Variants in C12orf57 observed in about 807,000 individuals in gnomAD.
The protein encoded by C12orf57 is chromosome 12 open reading frame 57.
Under a neutral mutation model 11.3 loss-of-function variants are expected in C12orf57, and 14 were observed. That is an observed-to-expected ratio of 1.24 (90% CI 0.82 to 1.94). C12orf57 has a LOEUF of 1.94. C12orf57 is among the 30% of genes most tolerant of loss of function. The pLI, the probability that C12orf57 is intolerant of heterozygous loss-of-function variation, is 0.00. For synonymous variants in C12orf57, 100 were observed against 74.6 expected (o/e 1.34, Z -1.76); for missense variants, 229 against 172.4 (o/e 1.33, Z -1.84).
At chr12:6,943,702 C>G, upstream of C12orf57, 2 of 1,279,190 alleles carry the variant, frequency 1.6e-6, no homozygotes, top group Non-Finnish European at 2.0e-6. Context: ...CTGAAAGTTA[C>G]CACATGCGTC....
intron 1 of C12orf57, 110 bp downstream of exon 1, chr12:6,944,283 A>G: frequency 6.3e-7 from 1 of 1,599,932 alleles, no homozygotes; most frequent in Non-Finnish European, 8.5e-7. Flanking sequence ...AAACCTGGCT[A>G]CGTCCGCCGG....
At position 6,944,066 on chromosome 12, in the gene C12orf57, T is replaced by A; in HGVS notation, c.-56T>A. On this transcript the variant is annotated 5_prime_UTR_variant, in exon 1 of 3. Transcript: ENST00000229281. ...GTTGGGAACGGTTGTAGGACGTGGC[T>A]CTTTATTCGTGAGTTTTCCATTTAC... 2 of 1,613,546 alleles carry A rather than the reference T, an allele frequency of 1.2e-6. No individual in the cohort carries two copies. The highest frequency in any genetic ancestry group is 1.7e-6 in the Non-Finnish European group (2 of 1,179,956).
At chr12:6,944,847 A>G in intron 2 of C12orf57, 195 bp downstream of exon 2, 1 of 1,440,186 alleles carries the variant, frequency 6.9e-7, no homozygotes, top group Non-Finnish European at 9.1e-7. Context: ...CGTTTTGTAC[A>G]GTAGAGGTTC....
chr12:6,944,438 T>C, intron 1 of C12orf57, 38 bp from the exon 2 acceptor site: 1 of 1,600,314 alleles, frequency 6.2e-7, no homozygotes. Context: ...CTCCGACGCC[T>C]ACCCGGGACG....
chr12:6,944,317 G>A, intron 1 of C12orf57, 144 bp downstream of exon 1: 1 of 1,575,102 alleles, frequency 6.3e-7, no homozygotes, highest in Non-Finnish European at 8.6e-7. Context: ...GGGACGCCGG[G>A]TACCGTCCTT....
rs782198023 is a variant in C12orf57, at chr12:6,944,539, C to T, written c.116C>T (p.Ala39Val). The T allele has an allele frequency of 5.6e-6, 9 of 1,613,988 alleles. No individual in the cohort carries two copies. Among genetic ancestry groups the T allele is most frequent in the East Asian group, 2.2e-5 (1 of 44,904 alleles). ...APENAVRMDEARDNACNDMGK... is the reference protein window; with the variant it reads ...APENAVRMDEVRDNACNDMGK... ...GAGAATGCAGTGCGCATGGACGAGGCTCGGGATAACGCCTGCAACGACATG... is the reference window on the plus strand; with the variant it reads ...GAGAATGCAGTGCGCATGGACGAGGTTCGGGATAACGCCTGCAACGACATG... The change falls in exon 2 of 3, where the codon GCT becomes GTT. Residue 39 changes from alanine (A) to valine (V), a missense_variant. Physicochemically the swap from Ala to Val is moderately conservative, Grantham distance 64 (BLOSUM62 0). Transcript: ENST00000229281.
chr12:6,945,826 C>T lies in C12orf57; in HGVS notation c.285C>T (p.Ile95=), dbSNP rs1555146495. 1.9e-6 allele frequency: 3 copies of T among 1,613,664 alleles called. No homozygotes were observed. Among genetic ancestry groups the T allele is most frequent in the Non-Finnish European group, 8.5e-7 (1 of 1,179,892 alleles). ...VKSYEAQDPE[I]ASLSGKLKAL... is the part of the protein sequence containing the mutation. ...CCTACGAAGCCCAGGATCCTGAGATCGCCAGCCTGTCAGGCAAGCTGAAGG... is the reference window on the plus strand; with the variant it reads ...CCTACGAAGCCCAGGATCCTGAGATTGCCAGCCTGTCAGGCAAGCTGAAGG... Residue 95 remains isoleucine (I), a synonymous_variant, in exon 3 of 3, where the codon ATC becomes ATT. Transcript: ENST00000229281.
upstream of C12orf57, chr12:6,943,616 A>T: frequency 7.8e-7 from 1 of 1,289,780 alleles, no homozygotes; most frequent in Non-Finnish European, 1.0e-6. Flanking sequence ...ACTCATTTGC[A>T]TGGGCTGAGA....
chr12:6,944,016 C>A (rs781973025), upstream of C12orf57: 3 of 1,605,012 alleles, frequency 1.9e-6, no homozygotes, highest in Non-Finnish European at 2.5e-6. Flanking sequence ...GCGCCGGATG[C>A]TGTTTCCTTT....
chr12:6,944,204 G>T, intron 1 of C12orf57, 31 bp downstream of exon 1: 12 of 1,565,896 alleles, frequency 7.7e-6, no homozygotes, highest in Non-Finnish European at 1.1e-5. Flanking sequence ...GGCATAGGCT[G>T]CTGGCCTGGG....
rs376090183 is a variant in C12orf57, at chr12:6,944,592, G to A, written c.169G>A (p.Val57Met). The A allele has an allele frequency of 1.6e-5, 26 of 1,614,080 alleles. 1 individual carries two copies. In the African/African-American group the frequency reaches 2.7e-4, roughly 17 times the overall value. ...TAAGATGCTGCAATTCGTGCTGCCCGTGGCCACGCAGATCCAGCAGGAGGT... is the reference window on the plus strand; with the variant it reads ...TAAGATGCTGCAATTCGTGCTGCCCATGGCCACGCAGATCCAGCAGGAGGT... The part of the protein sequence containing the change: ...MGKMLQFVLP[V>M]ATQIQQEVIK... The change falls in exon 2 of 3, where the codon GTG becomes ATG. Residue 57 changes from valine (V) to methionine (M), a missense_variant. Transcript: ENST00000229281.
chr12:6,944,152 T>A lies in C12orf57; in HGVS notation c.31T>A (p.Leu11Met). 6.2e-7 allele frequency: 1 copy of A among 1,614,238 alleles called. No individual in the cohort carries two copies. Among genetic ancestry groups the A allele is most frequent in the Non-Finnish European group, 8.5e-7 (1 of 1,180,030 alleles). MASASTQPAA[L>M]SAEQAKVVLA... Reference sequence around the variant, plus strand: ...GTCCGCCTCGACCCAACCGGCGGCCTTGAGCGCTGAGCAAGCAAAGGGTGA... The same window carrying A: ...GTCCGCCTCGACCCAACCGGCGGCCATGAGCGCTGAGCAAGCAAAGGGTGA... The change falls in exon 1 of 3, where the codon TTG becomes ATG. Residue 11 changes from leucine to methionine, a missense_variant. Transcript: ENST00000229281.
chr12:6,944,170 A>G lies in C12orf57; in HGVS notation c.49A>G (p.Lys17Glu), dbSNP rs1555145851. The G allele has an allele frequency of 1.9e-6, 3 of 1,614,182 alleles. No individual in the cohort carries two copies. Among genetic ancestry groups the G allele is most frequent in the South Asian group, 2.2e-5 (2 of 91,088 alleles). The change falls in exon 1 of 3, where the codon AAG (lysine) becomes GAG (glutamate). Residue 17 changes from lysine to glutamate, a missense_variant. Lys to Glu is a moderately conservative substitution (Grantham distance 56). Transcript: ENST00000229281. ...GGCGGCCTTGAGCGCTGAGCAAGCA[A>G]AGGGTGAGAATCGTCCTAGTCAAGG... is the stretch of plus-strand genomic sequence containing the variant. ...QPAALSAEQA[K>E]VVLAEVIQAF...
intron 2 of C12orf57, among the ~76,000 whole-genome samples, chr12:6,945,319 C>T (rs1945774389): frequency 6.6e-6 from 1 of 152,180 alleles, no homozygotes; most frequent in African/African-American, 2.4e-5. Flanking sequence ...GTCTGCATGA[C>T]AGCAGTGGCT....
At chr12:6,945,066 G>C in intron 2 of C12orf57, 1 of 347,232 alleles carries the variant, frequency 2.9e-6, no homozygotes, top group Non-Finnish European at 5.1e-6. Flanking sequence ...ACAAAGTTTT[G>C]ACTGCGTTTT....
Position 6,944,461 on chromosome 12 carries a change from G to T in C12orf57, c.53-15G>T, listed in dbSNP as rs782613612. 1 of 1,609,798 alleles carries T rather than the reference G, an allele frequency of 6.2e-7. No homozygotes were observed. The highest frequency in any genetic ancestry group is 8.5e-7 in the Non-Finnish European group (1 of 1,178,924). ...CCTACCCGGGACGCCTCCCTGGGAT[G>T]CTTCTGGCGCGCAGTGGTCCTCGCG... On this transcript the variant is annotated splice_polypyrimidine_tract_variant and intron_variant, in intron 1 of 2. Coordinates refer to ENST00000229281, the MANE Select transcript of C12orf57 (RefSeq NM_138425.4).
rs782651043 is a variant in C12orf57, at chr12:6,944,167, G to T, written c.46G>T (p.Ala16Ser). 1.2e-6 allele frequency: 2 copies of T among 1,614,202 alleles called. No homozygotes were observed. Among genetic ancestry groups the T allele is most frequent in the Non-Finnish European group, 1.7e-6 (2 of 1,180,008 alleles). The change falls in exon 1 of 3, where the codon GCA (alanine) becomes TCA (serine). Residue 16 changes from alanine (A) to serine (S), a missense_variant. Physicochemically the swap from Ala to Ser is moderately conservative, Grantham distance 99 (BLOSUM62 1). Transcript: ENST00000229281. ...TQPAALSAEQ[A>S]KVVLAEVIQA... ...ACCGGCGGCCTTGAGCGCTGAGCAA[G>T]CAAAGGGTGAGAATCGTCCTAGTCA...
At chr12:6,945,548 T>C (rs754911672) in intron 2 of C12orf57, among the ~76,000 whole-genome samples, 34 of 152,172 alleles carry the variant, frequency 2.2e-4, no homozygotes, top group Non-Finnish European at 3.5e-4. Flanking sequence ...AGAAGCACAC[T>C]GCCTTGGGAC....
At chr12:6,944,001 C>CGGCT (rs781826685), upstream of C12orf57, 19 of 1,592,952 alleles carry the variant, frequency 1.2e-5, no homozygotes, top group Non-Finnish European at 1.6e-5. Flanking sequence ...TGGGCGCTTC[C>CGGCT]GGCTGCGCCG....
Sources: allele counts gnomAD v4.1 joint callset (sites outside exome capture counted in the v4.1 genomes callset), GRCh38; gene constraint gnomAD v4.1.1; transcripts MANE v1.5; gene names NCBI Gene and HGNC (gene_info 2026-07-23, HGNC 2026-07-21).